USH2A: variants seen among roughly 807,000 people sequenced by gnomAD.
USH2A encodes the protein usherin.
USH2A carries 443 observed loss-of-function variants against 538.9 expected under a neutral mutation model. The observed-to-expected ratio is 0.82, with a 90% confidence interval of 0.76 to 0.89. The LOEUF is 0.89. Among genes scored for constraint, USH2A ranks in the 40% least tolerant of loss-of-function variants. The pLI is 0.00. For synonymous variants in USH2A, 2,413 were observed against 2,273.5 expected (o/e 1.06, Z -1.75); for missense variants, 6,633 against 6,324.8 (o/e 1.05, Z -1.65).
At chr1:215,697,571 G>T (rs931568089) in intron 61 of USH2A, among the ~76,000 whole-genome samples, 4 of 151,910 alleles carry the variant, frequency 2.6e-5, no homozygotes, top group Admixed American at 6.6e-5. Flanking sequence ...GACCTGGCTG[G>T]AGTGCAATGG....
chr1:215,812,188 G>T (rs1409098902), intron 49 of USH2A, among the ~76,000 whole-genome samples: 1 of 151,762 alleles, frequency 6.6e-6, no homozygotes, highest in East Asian at 2.0e-4. Context: ...GTTTAGCCAT[G>T]TTGGCCAGGC....
At chr1:215,789,511 T>C (rs17025427) in intron 51 of USH2A, among the ~76,000 whole-genome samples, 11,047 of 152,222 alleles carry the variant, frequency 0.073, 769 homozygotes, top group East Asian at 0.35. Flanking sequence ...CATGGCTGTG[T>C]ACAAACCATC....
intron 25 of USH2A, among the ~76,000 whole-genome samples, chr1:216,083,852 T>G (rs1426178888): frequency 6.6e-6 from 1 of 152,180 alleles, no homozygotes; most frequent in Non-Finnish European, 1.5e-5. Flanking sequence ...TCATGTAAGA[T>G]TATTACTGTT....
intron 49 of USH2A, among the ~76,000 whole-genome samples, chr1:215,804,368 C>T (rs1452529865): frequency 6.6e-6 from 1 of 151,908 alleles, no homozygotes; most frequent in Non-Finnish European, 1.5e-5. Flanking sequence ...TGGGAGAAAA[C>T]TTTTGCAATC....
intron 21 of USH2A, among the ~76,000 whole-genome samples, chr1:216,157,951 A>G (rs888623184): frequency 6.1e-5 from 9 of 148,392 alleles, no homozygotes; most frequent in Middle Eastern, 3.3e-3. Context: ...CCTAAAATAA[A>G]TGTTAAAATG....
At chr1:216,209,799 T>C (rs1208163879) in intron 15 of USH2A, among the ~76,000 whole-genome samples, 1 of 152,112 alleles carries the variant, frequency 6.6e-6, no homozygotes, top group African/African-American at 2.4e-5. Context: ...AATTTAAGAG[T>C]GATACAGGTG....
intron 49 of USH2A, among the ~76,000 whole-genome samples, chr1:215,812,514 C>T (rs1045182324): frequency 6.6e-6 from 1 of 152,144 alleles, no homozygotes; most frequent in African/African-American, 2.4e-5. Flanking sequence ...TCTCATTTCA[C>T]ATGCCTTGGA....
chr1:216,150,998 G>C (rs949570988), intron 21 of USH2A, among the ~76,000 whole-genome samples: 1 of 152,094 alleles, frequency 6.6e-6, no homozygotes, highest in Non-Finnish European at 1.5e-5. Context: ...CACGTGCCCT[G>C]TATTTCACTC....
chr1:216,222,865 C>T, intron 14 of USH2A, among the ~76,000 whole-genome samples: 1 of 151,704 alleles, frequency 6.6e-6, no homozygotes, highest in East Asian at 1.9e-4. Context: ...GTAATCACAG[C>T]TACTCGGGAG....
At chr1:216,280,376 C>G (rs1244373574) in intron 11 of USH2A, among the ~76,000 whole-genome samples, 1 of 151,350 alleles carries the variant, frequency 6.6e-6, no homozygotes, top group East Asian at 1.9e-4. Flanking sequence ...ACTGAAAGCT[C>G]TCACCCTCAA....
At chr1:216,093,429 A>C (rs560089000) in intron 22 of USH2A, among the ~76,000 whole-genome samples, 74 of 118,134 alleles carry the variant, frequency 6.3e-4, no homozygotes, top group Non-Finnish European at 1.3e-3. Flanking sequence ...AATGATGGGC[A>C]AATGCCCTGT....
chr1:215,991,638 T>C lies in USH2A; in HGVS notation c.6805+1382A>G, dbSNP rs897550259. Reference sequence around the variant, plus strand: ...TCCCAAATTCTTCTTGCTTGATGAGTACATTTTAAAACTGCTTGCAAATAT... The same window carrying C: ...TCCCAAATTCTTCTTGCTTGATGAGCACATTTTAAAACTGCTTGCAAATAT... On this transcript the variant is annotated intron_variant, in intron 35 of 71. Transcript: ENST00000307340. Among the ~76,000 whole-genome samples, 5 of 152,240 alleles carry C rather than the reference T, an allele frequency of 3.3e-5. No homozygotes were observed. The South Asian group carries it at 8.3e-4, about 25-fold the overall frequency.
intron 9 of USH2A, among the ~76,000 whole-genome samples, chr1:216,298,154 C>A (rs771048007): frequency 4.6e-5 from 7 of 152,058 alleles, no homozygotes; most frequent in Non-Finnish European, 1.0e-4. Context: ...TTTTATTATT[C>A]AAGTTGTGCT....
intron 21 of USH2A, among the ~76,000 whole-genome samples, chr1:216,127,175 C>T (rs1246716235): frequency 6.6e-6 from 1 of 152,084 alleles, no homozygotes; most frequent in Non-Finnish European, 1.5e-5. Flanking sequence ...ATAGTATATG[C>T]CAAAGCAATA....
intron 61 of USH2A, among the ~76,000 whole-genome samples, chr1:215,721,068 TTTGTTG>T (rs112361475): frequency 3.3e-5 from 5 of 151,698 alleles, no homozygotes; most frequent in African/African-American, 1.2e-4. Flanking sequence ...GACTGGAGTT[TTTGTTG>T]TTGTTGTTGT....
chr1:215,815,170 C>T (rs1047732237), intron 48 of USH2A, among the ~76,000 whole-genome samples: 1 of 151,932 alleles, frequency 6.6e-6, no homozygotes, highest in Admixed American at 6.6e-5. Flanking sequence ...ACCGCAATAC[C>T]TGTGTTGCCT....
At chr1:216,329,755 G>A (rs1367360951) in intron 4 of USH2A, among the ~76,000 whole-genome samples, 3 of 152,056 alleles carry the variant, frequency 2.0e-5, no homozygotes, top group South Asian at 2.1e-4. Context: ...CTCCTTGTGG[G>A]GAACTTTCTG....
intron 55 of USH2A, among the ~76,000 whole-genome samples, chr1:215,770,825 G>A (rs1478596167): frequency 2.6e-5 from 4 of 151,668 alleles, no homozygotes; most frequent in Admixed American, 2.0e-4. Flanking sequence ...GGCCGGGACC[G>A]GTGGTACGGT....
intron 4 of USH2A, among the ~76,000 whole-genome samples, chr1:216,364,689 C>T (rs1257306383): frequency 6.6e-6 from 1 of 152,066 alleles, no homozygotes; most frequent in Non-Finnish European, 1.5e-5. Flanking sequence ...GTAGCTACCA[C>T]GAAGAGAGAC....
Sources: allele counts gnomAD v4.1 joint callset (sites outside exome capture counted in the v4.1 genomes callset), GRCh38; gene constraint gnomAD v4.1.1; transcripts MANE v1.5; gene names NCBI Gene and HGNC (gene_info 2026-07-23, HGNC 2026-07-21).